ZCWPW2: variants seen among roughly 807,000 people sequenced by gnomAD.
ZCWPW2 encodes zinc finger CW-type and PWWP domain containing 2.
In ZCWPW2, 45 loss-of-function variants were observed where a neutral mutation model predicts 46.6. The ratio of observed to expected loss-of-function variants is 0.96; its 90% CI spans 0.76 to 1.24. The LOEUF (loss-of-function observed/expected upper bound fraction) is 1.24. Ranked by LOEUF, ZCWPW2 falls within the 50% of genes most tolerant of loss-of-function variation. ZCWPW2 has a pLI of 0.00. For missense variants in ZCWPW2, 429 were observed against 403.9 expected (o/e 1.06, Z -0.53); for synonymous variants, 152 against 137.1 (o/e 1.11, Z -0.76).
At chr3:28,406,975 C>T (rs914384929) in intron 2 of ZCWPW2, among the ~76,000 whole-genome samples, 2 of 151,896 alleles carry the variant, frequency 1.3e-5, no homozygotes, top group African/African-American at 4.8e-5. Context: ...TATAGGTGTG[C>T]CCTATAACAC....
At position 28,521,089 on chromosome 3, in the gene ZCWPW2, T is replaced by A. The variant is rs1559538804; in HGVS notation, c.882T>A (p.His294Gln). 1.9e-6 allele frequency: 3 copies of A among 1,605,622 alleles called. No individual in the cohort carries two copies. The highest frequency in any genetic ancestry group is 2.5e-6 in the Non-Finnish European group (3 of 1,177,918). ...CACCTGATGAATCAGAAGAAGGACA[T>A]GGAGAGGAAATAAATATGGGAGAAA... is the stretch of plus-strand genomic sequence containing the variant. ...TATPDESEEG[H>Q]GEEINMGEKL... The change falls in exon 9 of 10, where the codon CAT becomes CAA. Residue 294 changes from histidine (H) to glutamine (Q), a missense_variant. Physicochemically the swap from His to Gln is conservative, Grantham distance 24 (BLOSUM62 0). Transcript: ENST00000383768.
At chr3:28,464,098 C>T (rs1434528847) in intron 4 of ZCWPW2, among the ~76,000 whole-genome samples, 1 of 151,964 alleles carries the variant, frequency 6.6e-6, no homozygotes. Context: ...TTCTTTACCT[C>T]ATGTGTAGTA....
chr3:28,352,559 T>C (rs906813888), intron 1 of ZCWPW2, among the ~76,000 whole-genome samples: 1 of 152,168 alleles, frequency 6.6e-6, no homozygotes, highest in African/African-American at 2.4e-5. Flanking sequence ...TTTGGCAAAA[T>C]TGGTGAGTTA....
At chr3:28,511,144 C>G in intron 6 of ZCWPW2, 2 of 437,764 alleles carry the variant, frequency 4.6e-6, no homozygotes, top group Non-Finnish European at 9.2e-6. Flanking sequence ...GTATGACAAT[C>G]TGGAAGATGA....
At chr3:28,349,442 C>CTGA (rs920967216) in intron 1 of ZCWPW2, among the ~76,000 whole-genome samples, 4 of 152,128 alleles carry the variant, frequency 2.6e-5, no homozygotes, top group African/African-American at 9.7e-5. Flanking sequence ...AGCCCTCAGG[C>CTGA]GATCACTTGA....
chr3:28,395,484 T>G (rs1695657877), intron 2 of ZCWPW2, among the ~76,000 whole-genome samples: 1 of 152,164 alleles, frequency 6.6e-6, no homozygotes, highest in African/African-American at 2.4e-5. Context: ...GGCATTCACA[T>G]TAGCCAAGAA....
intron 1 of ZCWPW2, among the ~76,000 whole-genome samples, chr3:28,370,156 C>A (rs1559476732): frequency 6.6e-6 from 1 of 152,126 alleles, no homozygotes; most frequent in Non-Finnish European, 1.5e-5. Context: ...TGCGCTGCAC[C>A]CACTGTCCTG....
intron 8 of ZCWPW2, among the ~76,000 whole-genome samples, chr3:28,516,385 T>C (rs1261172818): frequency 6.6e-6 from 1 of 152,102 alleles, no homozygotes; most frequent in Non-Finnish European, 1.5e-5. Context: ...ACTGGGATCC[T>C]AGGAGTGCCA....
chr3:28,393,810 C>T (rs1033476598), intron 2 of ZCWPW2, among the ~76,000 whole-genome samples: 2 of 152,034 alleles, frequency 1.3e-5, no homozygotes, highest in South Asian at 4.1e-4. Flanking sequence ...GGCTGTGTAT[C>T]ACAGTTGTAT....
At chr3:28,411,116 T>C (rs1321884001) in intron 2 of ZCWPW2, among the ~76,000 whole-genome samples, 2 of 151,818 alleles carry the variant, frequency 1.3e-5, no homozygotes, top group Non-Finnish European at 2.9e-5. Context: ...TATACACACA[T>C]GTAAAAATAT....
chr3:28,356,874 A>G (rs1242304586), intron 1 of ZCWPW2, among the ~76,000 whole-genome samples: 1 of 152,148 alleles, frequency 6.6e-6, no homozygotes, highest in African/African-American at 2.4e-5. Flanking sequence ...GAAGGGGGGA[A>G]GGATAGCATT....
chr3:28,515,713 TC>T, intron 8 of ZCWPW2, 92 bp downstream of exon 8: 1 of 1,044,682 alleles, frequency 9.6e-7, no homozygotes, highest in East Asian at 2.6e-5. Context: ...AAAAAAGATT[TC>T]CTGTGTGTGT....
At chr3:28,514,908 C>G (rs1337803856) in intron 7 of ZCWPW2, among the ~76,000 whole-genome samples, 1 of 152,008 alleles carries the variant, frequency 6.6e-6, no homozygotes, top group African/African-American at 2.4e-5. Flanking sequence ...AATAGGTAGC[C>G]CTTCTTTGTA....
At chr3:28,360,963 T>G (rs1048448714) in intron 1 of ZCWPW2, among the ~76,000 whole-genome samples, 6 of 152,176 alleles carry the variant, frequency 3.9e-5, no homozygotes, top group Non-Finnish European at 8.8e-5. Flanking sequence ...CATATGCACC[T>G]AACACACATA....
chr3:28,349,968 G>T (rs978684163), intron 1 of ZCWPW2, among the ~76,000 whole-genome samples: 2 of 152,114 alleles, frequency 1.3e-5, no homozygotes, highest in African/African-American at 2.4e-5. Context: ...ATTTATAGCT[G>T]TTAGGAACAA....
intron 1 of ZCWPW2, among the ~76,000 whole-genome samples, chr3:28,369,131 G>A (rs1310316736): frequency 6.6e-6 from 1 of 152,108 alleles, no homozygotes. Flanking sequence ...GGAGTAGTTT[G>A]ATCATCTGAA....
At chr3:28,353,072 A>C (rs966474973) in intron 1 of ZCWPW2, among the ~76,000 whole-genome samples, 2 of 151,922 alleles carry the variant, frequency 1.3e-5, no homozygotes, top group African/African-American at 4.8e-5. Context: ...AGTCCCAGCC[A>C]CCTGGGGAGG....
intron 1 of ZCWPW2, among the ~76,000 whole-genome samples, chr3:28,370,814 C>G (rs959708444): frequency 6.6e-6 from 1 of 152,098 alleles, no homozygotes; most frequent in Non-Finnish European, 1.5e-5. Context: ...CTCAACGCAA[C>G]CTCCACCTCT....
chr3:28,433,979 T>A (rs894355782), intron 3 of ZCWPW2, among the ~76,000 whole-genome samples: 3 of 150,874 alleles, frequency 2.0e-5, no homozygotes, highest in Non-Finnish European at 4.4e-5. Flanking sequence ...TCTCTTATAA[T>A]ACCCTTGAAT....
Sources: gnomAD v4.1 joint callset for allele counts (sites outside exome capture counted in the v4.1 genomes callset) on GRCh38, gnomAD v4.1.1 for gene constraint, MANE v1.5 for transcripts, NCBI Gene and HGNC (gene_info 2026-07-23, HGNC 2026-07-21) for gene names.